The following ERC2 variants were observed in gnomAD, a reference collection of about 807,000 sequenced individuals.
ERC2 encodes ERC protein 2.
Under a neutral mutation model 114.8 loss-of-function variants are expected in ERC2, and 42 were observed. The ratio of observed to expected loss-of-function variants is 0.37; its 90% CI spans 0.29 to 0.47. ERC2 has a LOEUF of 0.47. Among genes scored for constraint, ERC2 ranks in the 20% least tolerant of loss-of-function variants. ERC2 has a pLI of 0.99. For missense variants in ERC2, 939 were observed against 1,150.7 expected, an observed-to-expected ratio of 0.82 and a Z score of 2.66; for synonymous variants, 454 against 425.5, an observed-to-expected ratio of 1.07 and a Z score of -0.82.
At chr3:56,263,340 C>T (rs1172055936) in intron 3 of ERC2, among the ~76,000 whole-genome samples, 1 of 151,036 alleles carries the variant, frequency 6.6e-6, no homozygotes, top group Admixed American at 6.6e-5. Context: ...ACTTAAGTAG[C>T]CTCAACAATA....
At chr3:56,311,219 A>G (rs1409731323) in intron 2 of ERC2, among the ~76,000 whole-genome samples, 1 of 134,740 alleles carries the variant, frequency 7.4e-6, no homozygotes, top group African/African-American at 2.9e-5. Flanking sequence ...TGTTCTTGGG[A>G]TATCCATCAT....
intron 14 of ERC2, among the ~76,000 whole-genome samples, chr3:55,846,693 T>TCTTTCTCTCTC (rs1553702627): frequency 7.0e-6 from 1 of 142,818 alleles, no homozygotes; most frequent in African/African-American, 2.6e-5. Context: ...CTCTCTCTCT[T>TCTTTCTCTCTC]TCTCTCTCTC....
chr3:56,336,408 TAA>T (rs2057850563), intron 2 of ERC2, among the ~76,000 whole-genome samples: 1 of 152,290 alleles, frequency 6.6e-6, no homozygotes, highest in African/African-American at 2.4e-5. Context: ...TCGAGCAGTC[TAA>T]GTCTTTTTAA....
chr3:56,400,983 C>T (rs768790285), intron 2 of ERC2, among the ~76,000 whole-genome samples: 2 of 152,188 alleles, frequency 1.3e-5, no homozygotes, highest in African/African-American at 4.8e-5. Context: ...TCTTGTAACA[C>T]CCTCTCTGGT....
intron 2 of ERC2, among the ~76,000 whole-genome samples, chr3:56,319,695 G>A (rs765325973): frequency 6.6e-6 from 1 of 152,040 alleles, no homozygotes; most frequent in Non-Finnish European, 1.5e-5. Flanking sequence ...CACAAGCCAG[G>A]TGCCGTAGCT....
intron 17 of ERC2, among the ~76,000 whole-genome samples, chr3:55,549,154 A>G (rs559866695): frequency 1.3e-5 from 2 of 152,324 alleles, no homozygotes; most frequent in Non-Finnish European, 2.9e-5. Context: ...CAGGAGTTAG[A>G]GTCCTGGATT....
chr3:55,750,226 A>G (rs1484763911), intron 14 of ERC2, among the ~76,000 whole-genome samples: 2 of 152,204 alleles, frequency 1.3e-5, no homozygotes, highest in Non-Finnish European at 2.9e-5. Flanking sequence ...TAACATCTTC[A>G]TTGTTAAGAT....
intron 14 of ERC2, among the ~76,000 whole-genome samples, chr3:55,758,168 T>A (rs77183910): frequency 0.039 from 5,864 of 152,292 alleles, 462 homozygotes; most frequent in Admixed American, 0.19. Context: ...TTGTTCTAAG[T>A]CCATGAAGAA....
chr3:55,591,543 C>T (rs553014758), intron 17 of ERC2, among the ~76,000 whole-genome samples: 9 of 151,340 alleles, frequency 5.9e-5, no homozygotes, highest in East Asian at 2.0e-4. Context: ...GAGCTATTTA[C>T]GAGGAGAATG....
At chr3:56,269,478 C>G (rs2053522041) in intron 3 of ERC2, among the ~76,000 whole-genome samples, 1 of 152,094 alleles carries the variant, frequency 6.6e-6, no homozygotes, top group South Asian at 2.1e-4. Flanking sequence ...AACTCCCAGC[C>G]TAAAGAAAAT....
intron 5 of ERC2, among the ~76,000 whole-genome samples, chr3:56,144,819 G>A (rs2081053507): frequency 6.6e-6 from 1 of 152,126 alleles, no homozygotes; most frequent in Non-Finnish European, 1.5e-5. Context: ...ACAGAAAAGA[G>A]CCTTTCTAAG....
At chr3:56,373,350 C>G (rs1466497642) in intron 2 of ERC2, among the ~76,000 whole-genome samples, 2 of 152,188 alleles carry the variant, frequency 1.3e-5, no homozygotes, top group South Asian at 2.1e-4. Flanking sequence ...TAACTTGCTA[C>G]TTTTATACAT....
At chr3:56,116,036 T>G (rs1056784458) in intron 6 of ERC2, among the ~76,000 whole-genome samples, 2 of 152,132 alleles carry the variant, frequency 1.3e-5, no homozygotes, top group African/African-American at 4.8e-5. Context: ...CTATAAAGGC[T>G]CTTGCCATGT....
chr3:55,746,341 C>A lies in ERC2; in HGVS notation c.2565-11423G>T, dbSNP rs1236726019. ...CTCTGCCTCCCGGGTTCAAGCGATT[C>A]TCCTGCCTCAGCCTCCCGAGTAGCT... On this transcript the variant is annotated intron_variant, in intron 14 of 17. Transcript: ENST00000288221. Among the ~76,000 whole-genome samples, 8 of 151,854 alleles carry A rather than the reference C, an allele frequency of 5.3e-5. No individual in the cohort carries two copies. The East Asian group carries it at 1.6e-3, about 30-fold the overall frequency.
chr3:55,610,064 C>CAAAAAAAAAAAAAA (rs36088271), intron 17 of ERC2, among the ~76,000 whole-genome samples: 4 of 118,694 alleles, frequency 3.4e-5, no homozygotes, highest in Admixed American at 9.0e-5. Flanking sequence ...CAAACACAAA[C>CAAAAAAAAAAAAAA]AAAAAAAAAA....
At chr3:56,458,211 C>A (rs1442145571) in intron 1 of ERC2, among the ~76,000 whole-genome samples, 1 of 152,164 alleles carries the variant, frequency 6.6e-6, no homozygotes, top group African/African-American at 2.4e-5. Flanking sequence ...CTTAGTTGAA[C>A]CTTTGCATGA....
chr3:56,330,876 G>A (rs2057578641), intron 2 of ERC2, among the ~76,000 whole-genome samples: 2 of 152,114 alleles, frequency 1.3e-5, no homozygotes, highest in Admixed American at 1.3e-4. Context: ...TCCTGTGCAT[G>A]ACCTCCTTTT....
intron 14 of ERC2, among the ~76,000 whole-genome samples, chr3:55,757,765 C>T (rs1025606229): frequency 6.6e-6 from 1 of 152,060 alleles, no homozygotes; most frequent in African/African-American, 2.4e-5. Context: ...GTTATTACCA[C>T]TTACATAAAC....
chr3:56,023,767 AAAGGAATG>A (rs1465813185), intron 7 of ERC2, among the ~76,000 whole-genome samples: 130 of 49,626 alleles, frequency 2.6e-3, no homozygotes, highest in African/African-American at 6.3e-3. Context: ...ATGAATGAAA[AAAGGAATG>A]AAGGAAGGAA....
Sources: gnomAD v4.1 joint callset for allele counts (sites outside exome capture counted in the v4.1 genomes callset) on GRCh38, gnomAD v4.1.1 for gene constraint, MANE v1.5 for transcripts, NCBI Gene and HGNC (gene_info 2026-07-23, HGNC 2026-07-21) for gene names.